NRCAM: variants seen among roughly 807,000 people sequenced by gnomAD.
The protein encoded by NRCAM is NgCAM-related cell adhesion molecule.
Under a neutral mutation model 156.5 loss-of-function variants are expected in NRCAM, and 83 were observed. The observed-to-expected ratio is 0.53, with a 90% CI of 0.44 to 0.64. The LOEUF (loss-of-function observed/expected upper bound fraction) is 0.64, where lower values mean the gene tolerates loss of function less well. Ranked by LOEUF, NRCAM falls within the 30% of genes least tolerant of loss-of-function variation. The pLI, the probability that NRCAM is intolerant of heterozygous loss-of-function variation, is 0.00. For synonymous variants in NRCAM, 538 were observed against 563.9 expected (o/e 0.95, Z 0.65); for missense variants, 1,417 against 1,597.3 (o/e 0.89, Z 1.92).
Position 108,160,392 on chromosome 7 carries a change from GA to G in NRCAM, c.3566del (p.Phe1189SerfsTer27). 1.2e-6 allele frequency: 2 copies of G among 1,613,288 alleles called. No individual in the cohort carries two copies. The highest frequency in any genetic ancestry group is 1.7e-6 in the Non-Finnish European group (2 of 1,179,458). ...ATTTACCACCCTTGTTTCTTCTGAT[GA>G]AGCAAACAATCAGCAAAATTAAGAT... The part of the protein sequence containing the change: ...LLILILLIVC[F>X]IRRNKGGKYP... On this transcript the variant is annotated frameshift_variant, in exon 31 of 33. Transcript: ENST00000379028. LOFTEE classifies it high-confidence loss of function.
intron 1 of NRCAM, among the ~76,000 whole-genome samples, chr7:108,428,645 A>C (rs994207096): frequency 4.6e-5 from 7 of 152,256 alleles, no homozygotes; most frequent in African/African-American, 1.7e-4. Context: ...TCTGTAATAC[A>C]CAAAAAATAA....
intron 2 of NRCAM, among the ~76,000 whole-genome samples, chr7:108,363,201 C>T (rs1184670300): frequency 6.6e-6 from 1 of 152,132 alleles, no homozygotes; most frequent in Non-Finnish European, 1.5e-5. Context: ...TGAAGAGAGA[C>T]ATATGTTCTG....
At chr7:108,201,785 T>A (rs954658251) in intron 13 of NRCAM, among the ~76,000 whole-genome samples, 9 of 152,214 alleles carry the variant, frequency 5.9e-5, no homozygotes, top group Non-Finnish European at 1.2e-4. Context: ...TGACTGTATC[T>A]GCCTTATATA....
At chr7:108,243,104 A>G (rs560666952) in intron 3 of NRCAM, 2 of 152,316 alleles carry the variant, frequency 1.3e-5, no homozygotes, top group South Asian at 4.1e-4. Flanking sequence ...AACTACGATA[A>G]CTGAAGATGG....
At chr7:108,456,477 C>T (rs1442351499), upstream of NRCAM, 2 of 151,720 alleles carry the variant, frequency 1.3e-5, no homozygotes, top group Non-Finnish European at 2.9e-5. Context: ...CCCGCCCTCT[C>T]CGCTCCCCCT....
chr7:108,166,826 C>T, intron 30 of NRCAM, 95 bp downstream of exon 30: 5 of 1,187,928 alleles, frequency 4.2e-6, no homozygotes, highest in Non-Finnish European at 6.0e-6. Context: ...ATGCCCTACC[C>T]ATAACACAGC....
Position 108,266,649 on chromosome 7 carries a change from C to T in NRCAM, c.-106-26479G>A, listed in dbSNP as rs117495210. Among the ~76,000 whole-genome samples the T allele has an allele frequency of 1.2e-4, 18 of 152,302 alleles. No homozygotes were observed. The East Asian group carries it at 3.3e-3, about 28-fold the overall frequency. ...TCATAAAGAGACAATCTCTTACCTTCTGAGAAATATCAGTCATTCCCTGTG... is the reference window on the plus strand; with the variant it reads ...TCATAAAGAGACAATCTCTTACCTTTTGAGAAATATCAGTCATTCCCTGTG... On this transcript the variant is annotated intron_variant, in intron 3 of 32. Transcript: ENST00000379028.
rs115042173 is a variant in NRCAM, at chr7:108,207,417, T to C, written c.1207+111A>G. ...ATTTGGTGCCTGTGTTTAACATACA[T>C]GTGGCTTCCTTCCTTAACCTGAGTT... is the stretch of plus-strand genomic sequence containing the variant. On this transcript the variant is annotated intron_variant, in intron 13 of 32. Transcript: ENST00000379028. 840 of 1,059,586 alleles carry C rather than the reference T, an allele frequency of 7.9e-4. 4 individuals are homozygous for C. The African/African-American group carries it at 0.011, about 14-fold the overall frequency. The allele number at this position is 1,059,586 out of a possible 1,614,324, so 65.6% of individuals were successfully genotyped here.
intron 2 of NRCAM, among the ~76,000 whole-genome samples, chr7:108,397,781 T>C (rs771701598): frequency 2.0e-5 from 3 of 152,246 alleles, no homozygotes; most frequent in Non-Finnish European, 4.4e-5. Flanking sequence ...GGCTTGTTAC[T>C]GTCCTTAACT....
At chr7:108,173,639 T>A (rs1024836044) in intron 28 of NRCAM, among the ~76,000 whole-genome samples, 10 of 152,200 alleles carry the variant, frequency 6.6e-5, no homozygotes, top group African/African-American at 2.4e-4. Context: ...AAATAAACCA[T>A]ATTAAAATTA....
At chr7:108,322,967 T>C (rs1385526294) in intron 2 of NRCAM, among the ~76,000 whole-genome samples, 1 of 152,086 alleles carries the variant, frequency 6.6e-6, no homozygotes, top group Admixed American at 6.5e-5. Context: ...CAAAATGGGG[T>C]TAATAATCCT....
At chr7:108,390,701 T>G (rs992172635) in intron 2 of NRCAM, among the ~76,000 whole-genome samples, 3 of 152,220 alleles carry the variant, frequency 2.0e-5, no homozygotes, top group Non-Finnish European at 4.4e-5. Context: ...CTTTCCCTTG[T>G]GGGCATTTAG....
intron 1 of NRCAM, among the ~76,000 whole-genome samples, chr7:108,429,468 A>G (rs1397282979): frequency 2.6e-5 from 4 of 152,174 alleles, no homozygotes; most frequent in Non-Finnish European, 4.4e-5. Context: ...TTGGGATTAC[A>G]GGCATGAGCC....
At position 108,231,159 on chromosome 7, in the gene NRCAM, A is replaced by G. The variant is rs1294987697; in HGVS notation, c.428-6T>C. 1.3e-6 allele frequency: 2 copies of G among 1,564,450 alleles called. No homozygotes were observed. The highest frequency in any genetic ancestry group is 4.3e-5 in the Admixed American group (2 of 46,960). ...TTTGGTCCACAATGGTGATCCTATTAAATAAAAAAATAACTTCTCAGTTAT... is the reference window on the plus strand; with the variant it reads ...TTTGGTCCACAATGGTGATCCTATTGAATAAAAAAATAACTTCTCAGTTAT... On this transcript the variant is annotated splice_region_variant and splice_polypyrimidine_tract_variant and intron_variant, in intron 7 of 32. Coordinates refer to ENST00000379028, the MANE Select transcript of NRCAM (RefSeq NM_001037132.4).
chr7:108,160,771 T>C (rs1318762997), intron 30 of NRCAM, among the ~76,000 whole-genome samples: 4 of 152,244 alleles, frequency 2.6e-5, no homozygotes, highest in African/African-American at 9.6e-5. Flanking sequence ...ATTTTCACTA[T>C]ATATTCTCAA....
At chr7:108,173,851 A>T (rs2152132509) in intron 28 of NRCAM, among the ~76,000 whole-genome samples, 1 of 152,302 alleles carries the variant, frequency 6.6e-6, no homozygotes, top group South Asian at 2.1e-4. Flanking sequence ...TTTAGTTTTA[A>T]TTTATTAAAA....
At chr7:108,373,943 C>G (rs997949816) in intron 2 of NRCAM, among the ~76,000 whole-genome samples, 5 of 152,116 alleles carry the variant, frequency 3.3e-5, no homozygotes, top group African/African-American at 4.8e-5. Flanking sequence ...AAATGTCCTT[C>G]CCATCAATAG....
rs375860011 is a variant in NRCAM at position 108,169,379 on chromosome 7, T to C, written c.3188-977A>G. ...TAGTTAAAAAAGAAGATCAATTTAT[T>C]ATCTCACATAAAATTTACTAGGATA... On this transcript the variant is annotated intron_variant, in intron 28 of 32. Coordinates refer to ENST00000379028, the MANE Select transcript of NRCAM (RefSeq NM_001037132.4). Among the ~76,000 whole-genome samples, 19 of 152,338 alleles carry C rather than the reference T, an allele frequency of 1.2e-4. No individual in the cohort carries two copies. The East Asian group carries it at 1.5e-3, about 12-fold the overall frequency.
chr7:108,372,226 C>G (rs145664618), intron 2 of NRCAM, among the ~76,000 whole-genome samples: 30 of 152,152 alleles, frequency 2.0e-4, no homozygotes, highest in African/African-American at 7.0e-4. Context: ...AGCTTAAAGA[C>G]TTAAAGGTAA....
Sources: gnomAD v4.1 joint callset for allele counts (sites outside exome capture counted in the v4.1 genomes callset) on GRCh38, gnomAD v4.1.1 for gene constraint, MANE v1.5 for transcripts, NCBI Gene and HGNC (gene_info 2026-07-23, HGNC 2026-07-21) for gene names.